Variants in FHIT observed in about 807,000 individuals in gnomAD.
FHIT encodes the protein fragile histidine triad diadenosine triphosphatase.
In FHIT, 19 loss-of-function variants were observed where a neutral mutation model predicts 17.9. The observed-to-expected ratio is 1.06, with a 90% CI of 0.74 to 1.56. The LOEUF is 1.56. FHIT is among the 40% of genes most tolerant of loss of function. FHIT has a pLI of 0.00. For synonymous variants in FHIT, 81 were observed against 69.7 expected (o/e 1.16, Z -0.81); for missense variants, 248 against 189.2 (o/e 1.31, Z -1.82).
intron 3 of FHIT, among the ~76,000 whole-genome samples, chr3:61,018,761 GT>G (rs1262533260): frequency 6.6e-6 from 1 of 152,016 alleles, no homozygotes; most frequent in Non-Finnish European, 1.5e-5. Context: ...ATCACTGTCT[GT>G]TTTTTTAATT....
At chr3:61,118,224 A>G (rs1439004) in intron 2 of FHIT, among the ~76,000 whole-genome samples, 114,834 of 152,092 alleles carry the variant, frequency 0.76, 44,242 homozygotes, top group African/African-American at 0.8. Context: ...TGAAAGGCCT[A>G]TCTTCACGTG....
intron 2 of FHIT, among the ~76,000 whole-genome samples, chr3:61,109,777 TAC>T (rs1467584827): frequency 6.6e-6 from 1 of 152,160 alleles, no homozygotes; most frequent in Non-Finnish European, 1.5e-5. Context: ...CACAAACACA[TAC>T]CTGAGCCCAC....
chr3:61,020,086 T>C (rs1430130128), intron 3 of FHIT, among the ~76,000 whole-genome samples: 6 of 152,162 alleles, frequency 3.9e-5, no homozygotes, highest in Admixed American at 2.0e-4. Context: ...TGGTATTTCT[T>C]GTTCTAGATC....
intron 5 of FHIT, among the ~76,000 whole-genome samples, chr3:60,215,672 C>T (rs945525590): frequency 6.6e-6 from 1 of 152,134 alleles, no homozygotes; most frequent in Admixed American, 6.5e-5. Flanking sequence ...TAATAAATGC[C>T]TGCAATAGGC....
chr3:61,027,413 T>C lies in FHIT; in HGVS notation c.-111+14634A>G, dbSNP rs369677623. Among the ~76,000 whole-genome samples, 9 of 152,358 alleles carry C rather than the reference T, an allele frequency of 5.9e-5. No individual in the cohort carries two copies. The East Asian group carries it at 1.5e-3, about 26-fold the overall frequency. On this transcript the variant is annotated intron_variant, in intron 3 of 9. Coordinates refer to ENST00000492590, the MANE Select transcript of FHIT (RefSeq NM_002012.4). ...TTATACTTTTATTATCTATACTCTTTAAGCTTATTTGCACCTATTGTATTT... is the reference window on the plus strand; with the variant it reads ...TTATACTTTTATTATCTATACTCTTCAAGCTTATTTGCACCTATTGTATTT...
chr3:60,091,796 C>T (rs879513318), intron 5 of FHIT, among the ~76,000 whole-genome samples: 1 of 152,164 alleles, frequency 6.6e-6, no homozygotes, highest in Admixed American at 6.5e-5. Flanking sequence ...AGATGCCTCA[C>T]TCCCCCTTTC....
intron 3 of FHIT, among the ~76,000 whole-genome samples, chr3:61,041,625 T>C (rs2033521710): frequency 1.3e-5 from 2 of 150,718 alleles, no homozygotes; most frequent in African/African-American, 4.9e-5. Flanking sequence ...CTTACGAAGA[T>C]AGAAATGCCC....
chr3:59,906,231 A>AT (rs1704579665), intron 8 of FHIT, among the ~76,000 whole-genome samples: 2 of 152,190 alleles, frequency 1.3e-5, no homozygotes, highest in African/African-American at 4.8e-5. Context: ...CATGAAAACT[A>AT]TTTTTTGATT....
chr3:59,835,173 G>A (rs113101625), intron 8 of FHIT, among the ~76,000 whole-genome samples: 3 of 151,998 alleles, frequency 2.0e-5, no homozygotes, highest in African/African-American at 7.3e-5. Context: ...TATCAGCCTG[G>A]GCCAAAATAG....
intron 5 of FHIT, among the ~76,000 whole-genome samples, chr3:60,105,561 A>G (rs1448073778): frequency 6.6e-6 from 1 of 152,166 alleles, no homozygotes; most frequent in East Asian, 1.9e-4. Context: ...ATATAAGAAT[A>G]TTGCAACACC....
chr3:61,222,619 C>T (rs2039869326), intron 1 of FHIT, among the ~76,000 whole-genome samples: 1 of 152,118 alleles, frequency 6.6e-6, no homozygotes, highest in South Asian at 2.1e-4. Context: ...GCTGCTGAGC[C>T]TGGGGACCAA....
At chr3:61,214,045 A>C (rs970664605) in intron 1 of FHIT, among the ~76,000 whole-genome samples, 2 of 152,186 alleles carry the variant, frequency 1.3e-5, no homozygotes, top group African/African-American at 2.4e-5. Flanking sequence ...ATGCCCACAA[A>C]AGAAAGCAGG....
chr3:59,988,079 A>G (rs936748295), intron 7 of FHIT, among the ~76,000 whole-genome samples: 1 of 152,048 alleles, frequency 6.6e-6, no homozygotes, highest in Non-Finnish European at 1.5e-5. Context: ...GGGAATGCGT[A>G]TCAGCTTTTC....
chr3:60,710,538 C>T (rs1213479331), intron 4 of FHIT, among the ~76,000 whole-genome samples: 8 of 152,142 alleles, frequency 5.3e-5, no homozygotes, highest in Non-Finnish European at 8.8e-5. Flanking sequence ...GGGTGACAGA[C>T]GGCACCTGGA....
rs1003829689 is a variant in FHIT, at chr3:61,027,855, A to G, written c.-111+14192T>C. On this transcript the variant is annotated intron_variant, in intron 3 of 9. Coordinates refer to ENST00000492590, the MANE Select transcript of FHIT (RefSeq NM_002012.4). Reference sequence around the variant, plus strand: ...GTGATTATTTTATTCATATTTATAAATTACATGTTACATGTCCTTTATATC... The same window carrying G: ...GTGATTATTTTATTCATATTTATAAGTTACATGTTACATGTCCTTTATATC... 7.2e-5 allele frequency among the ~76,000 whole-genome samples: 11 copies of G among 152,334 alleles called. No homozygotes were observed. The East Asian group carries it at 1.5e-3, about 21-fold the overall frequency.
intron 3 of FHIT, among the ~76,000 whole-genome samples, chr3:60,883,809 T>A (rs1467948233): frequency 6.6e-6 from 1 of 152,100 alleles, no homozygotes; most frequent in Non-Finnish European, 1.5e-5. Context: ...TGGGCAAAGA[T>A]TTTTTGGATA....
chr3:60,577,545 C>T (rs1200607651), intron 4 of FHIT, among the ~76,000 whole-genome samples: 5 of 152,124 alleles, frequency 3.3e-5, no homozygotes, highest in African/African-American at 9.7e-5. Flanking sequence ...AATTTGATGG[C>T]AGAGTCCACT....
intron 5 of FHIT, among the ~76,000 whole-genome samples, chr3:60,399,382 A>G (rs575287867): frequency 1.3e-5 from 2 of 152,274 alleles, no homozygotes; most frequent in East Asian, 3.9e-4. Context: ...ATGAGCACAA[A>G]GGAATAGATG....
intron 4 of FHIT, among the ~76,000 whole-genome samples, chr3:60,739,014 G>A (rs1212773783): frequency 3.3e-5 from 5 of 152,156 alleles, no homozygotes; most frequent in African/African-American, 7.2e-5. Flanking sequence ...GAGAGGAGAA[G>A]GAATGTCTGA....
Sources: gnomAD v4.1 joint callset for allele counts (sites outside exome capture counted in the v4.1 genomes callset) on GRCh38, gnomAD v4.1.1 for gene constraint, MANE v1.5 for transcripts, NCBI Gene and HGNC (gene_info 2026-07-23, HGNC 2026-07-21) for gene names.